Variants in SIPA1L3 observed in about 807,000 individuals in gnomAD.
SIPA1L3 encodes the protein signal-induced proliferation-associated 1-like protein 3.
SIPA1L3 carries 59 observed loss-of-function variants against 150.1 expected under a neutral mutation model. The ratio of observed to expected loss-of-function variants is 0.39; its 90% CI spans 0.32 to 0.49. SIPA1L3 has a LOEUF of 0.49. SIPA1L3 is among the 20% of genes least tolerant of loss of function. The probability of loss-of-function intolerance (pLI) is 0.86; values close to 1 mark genes in which losing one functional copy is unlikely to be tolerated. For missense variants in SIPA1L3, 2,211 were observed against 2,489.5 expected (o/e 0.89, Z 2.38); for synonymous variants, 1,070 against 1,077.6 (o/e 0.99, Z 0.14).
At chr19:37,954,506 A>AGGC (rs1488697189) in intron 1 of SIPA1L3, among the ~76,000 whole-genome samples, 1 of 152,320 alleles carries the variant, frequency 6.6e-6, no homozygotes, top group East Asian at 1.9e-4. Context: ...GGAAGGAGAC[A>AGGC]GGCTGGTTTG....
At chr19:38,010,319 G>A (rs1050536549) in intron 1 of SIPA1L3, among the ~76,000 whole-genome samples, 1 of 151,956 alleles carries the variant, frequency 6.6e-6, no homozygotes, top group Admixed American at 6.6e-5. Flanking sequence ...GAAGTGGGAG[G>A]ATCACTGTAG....
intron 19 of SIPA1L3, 74 bp from the exon 20 acceptor site, chr19:38,201,788 G>A (rs998294055): frequency 1.1e-5 from 17 of 1,478,952 alleles, no homozygotes; most frequent in Non-Finnish European, 1.5e-5. Flanking sequence ...TTTGCAGGGA[G>A]AGGCGTGGTC....
At chr19:38,066,641 TGTG>T (rs1449826541) in intron 2 of SIPA1L3, among the ~76,000 whole-genome samples, 1 of 148,158 alleles carries the variant, frequency 6.7e-6, no homozygotes, top group Non-Finnish European at 1.5e-5. Flanking sequence ...GCCTGGCCAA[TGTG>T]GTGAAACCCC....
rs1969094170 is a variant in SIPA1L3 at position 38,047,758 on chromosome 19, G to A, written c.-311+18602G>A. Among the ~76,000 whole-genome samples, 1 of 152,182 alleles carries A rather than the reference G, an allele frequency of 6.6e-6. No homozygotes were observed. Among genetic ancestry groups the A allele is most frequent in the African/African-American group, 2.4e-5 (1 of 41,450 alleles). ...CTCCTCATGGAGGGCCTCGGACCAC[G>A]TGTCATTTTAGAGACCCCAGCGGCA... On this transcript the variant is annotated intron_variant, in intron 2 of 21. Transcript: ENST00000222345. The surrounding 1 kb of genome is among the most constrained non-coding windows in gnomAD (Gnocchi z 4.7).
At chr19:37,998,830 G>A (rs574515247) in intron 1 of SIPA1L3, among the ~76,000 whole-genome samples, 2 of 152,126 alleles carry the variant, frequency 1.3e-5, no homozygotes, top group South Asian at 4.2e-4. Context: ...AAGGAAAAGG[G>A]GGGAAAAGGA....
chr19:38,190,237 C>G (rs926195911), intron 16 of SIPA1L3, among the ~76,000 whole-genome samples: 15 of 152,192 alleles, frequency 9.9e-5, no homozygotes, highest in Admixed American at 1.3e-4. Context: ...TGCTTCCTCA[C>G]TGCCGGGAGA....
At chr19:38,170,163 A>G (rs967782947) in intron 15 of SIPA1L3, among the ~76,000 whole-genome samples, 10 of 152,106 alleles carry the variant, frequency 6.6e-5, no homozygotes, top group Non-Finnish European at 2.9e-5. Context: ...AGTCTGAGCT[A>G]GCCAGGGAAG....
rs574616980 is a variant in SIPA1L3, at chr19:38,130,781, C to T, written c.3143+9C>T. On this transcript the variant is annotated intron_variant, in intron 10 of 21. Coordinates refer to ENST00000222345, the MANE Select transcript of SIPA1L3 (RefSeq NM_015073.3). ...GACGGCACTCCCCGGAGGTAAGGGC[C>T]TCCACCTTTCAGCCAGGTGGTGGGT... is the stretch of plus-strand genomic sequence containing the variant. 4 of 1,585,802 alleles carry T rather than the reference C, an allele frequency of 2.5e-6. No homozygotes were observed. Among genetic ancestry groups the T allele is most frequent in the East Asian group, 2.3e-5 (1 of 44,340 alleles).
At chr19:38,126,687 C>T (rs1298322590) in intron 9 of SIPA1L3, among the ~76,000 whole-genome samples, 2 of 151,914 alleles carry the variant, frequency 1.3e-5, no homozygotes, top group African/African-American at 4.8e-5. Flanking sequence ...CAGATGTGCA[C>T]CACCATGCCC....
intron 15 of SIPA1L3, among the ~76,000 whole-genome samples, chr19:38,181,541 G>A (rs1250272779): frequency 6.6e-6 from 1 of 151,764 alleles, no homozygotes; most frequent in Non-Finnish European, 1.5e-5. Context: ...ACATGCGTAT[G>A]TTTTTGCATA....
intron 18 of SIPA1L3, among the ~76,000 whole-genome samples, chr19:38,194,568 C>T (rs1432933796): frequency 6.6e-6 from 1 of 152,190 alleles, no homozygotes; most frequent in African/African-American, 2.4e-5. Flanking sequence ...ACATAATACA[C>T]AGCATCTGCA....
At chr19:37,946,163 A>C (rs1274281048) in intron 1 of SIPA1L3, among the ~76,000 whole-genome samples, 2 of 151,974 alleles carry the variant, frequency 1.3e-5, no homozygotes, top group Non-Finnish European at 2.9e-5. Flanking sequence ...CTCAAAAAAA[A>C]AAAATAATAA....
At chr19:38,057,774 G>A (rs925448255) in intron 2 of SIPA1L3, among the ~76,000 whole-genome samples, 4 of 151,768 alleles carry the variant, frequency 2.6e-5, no homozygotes, top group Non-Finnish European at 5.9e-5. Flanking sequence ...AGCCTCCCGA[G>A]TAGCTGGGAC....
At chr19:37,975,622 C>A (rs1231404082) in intron 1 of SIPA1L3, among the ~76,000 whole-genome samples, 1 of 152,124 alleles carries the variant, frequency 6.6e-6, no homozygotes, top group African/African-American at 2.4e-5. Flanking sequence ...GTGGCAAGGG[C>A]TCTATAGGTT....
intron 1 of SIPA1L3, among the ~76,000 whole-genome samples, chr19:37,959,275 G>A (rs2046837041): frequency 6.6e-6 from 1 of 152,162 alleles, no homozygotes; most frequent in Admixed American, 6.5e-5. Flanking sequence ...ATGACCCGAT[G>A]TCCATCAACT....
intron 12 of SIPA1L3, among the ~76,000 whole-genome samples, chr19:38,144,279 A>G (rs556669788): frequency 1.3e-3 from 196 of 152,314 alleles, no homozygotes; most frequent in Non-Finnish European, 2.2e-3. Context: ...AGCGAGAGAG[A>G]GACAGAGAGG....
chr19:38,205,994 C>T, intron 21 of SIPA1L3, 103 bp from the exon 22 acceptor site: 7 of 1,364,564 alleles, frequency 5.1e-6, no homozygotes, highest in Non-Finnish European at 6.8e-6. Flanking sequence ...GTGGTTGGCT[C>T]CAAAGCACAG....
chr19:37,935,436 CA>C (rs1395251115), intron 1 of SIPA1L3, among the ~76,000 whole-genome samples: 4 of 152,154 alleles, frequency 2.6e-5, no homozygotes, highest in African/African-American at 9.7e-5. Context: ...GCGTTGTACC[CA>C]GATAGAGATT....
intron 2 of SIPA1L3, among the ~76,000 whole-genome samples, chr19:38,029,540 T>C (rs966030557): frequency 6.6e-6 from 1 of 152,244 alleles, no homozygotes; most frequent in African/African-American, 2.4e-5. Context: ...TTATTTTTTC[T>C]TTACTTTTTA....
Sources: gnomAD v4.1 joint callset for allele counts (sites outside exome capture counted in the v4.1 genomes callset) on GRCh38, gnomAD v4.1.1 for gene constraint, Gnocchi (gnomAD v3.1) non-coding constraint, MANE v1.5 for transcripts, NCBI Gene and HGNC (gene_info 2026-07-23, HGNC 2026-07-21) for gene names.